PAPPA: variants seen among roughly 807,000 people sequenced by gnomAD.
The protein encoded by PAPPA is pappalysin-1.
Under a neutral mutation model 164.0 loss-of-function variants are expected in PAPPA, and 60 were observed. The observed-to-expected ratio is 0.37, with a 90% CI of 0.30 to 0.45. PAPPA has a LOEUF of 0.45. PAPPA is among the 20% of genes least tolerant of loss of function. The pLI is 1.00. For synonymous variants in PAPPA, 875 were observed against 814.1 expected, an observed-to-expected ratio of 1.07 and a Z score of -1.27; for missense variants, 1,782 against 2,087.3, an observed-to-expected ratio of 0.85 and a Z score of 2.85.
chr9:116,196,809 G>A (rs1386349834), intron 2 of PAPPA, among the ~76,000 whole-genome samples: 2 of 152,108 alleles, frequency 1.3e-5, no homozygotes, highest in Admixed American at 1.3e-4. Flanking sequence ...GGTGGTGAAG[G>A]GTGGAGGAGC....
In PAPPA at chr9:116,227,484, A is replaced by G. The variant is rs1214641045; in HGVS notation, c.2165A>G (p.Tyr722Cys). The change falls in exon 6 of 22, where the codon TAT (tyrosine) becomes TGT (cysteine). Residue 722 changes from tyrosine (Y) to cysteine (C), a missense_variant. Physicochemically the swap from Tyr to Cys is radical, Grantham distance 194. Around this residue, in one of 2 missense-constraint regions of PAPPA, gnomAD observed 1,324 missense variants for 1,656.9 expected, o/e 0.80. Coordinates refer to ENST00000328252, the MANE Select transcript of PAPPA (RefSeq NM_002581.5). ...LCLEGRILVQ[Y>C]ASNASSPMPC... ...CTGGAAGGGAGAATCCTGGTGCAGT[A>G]TGCTTCCAACGCTTCCTCCCCAATG... The G allele has an allele frequency of 1.9e-6, 3 of 1,614,134 alleles. No homozygotes were observed. Among genetic ancestry groups the G allele is most frequent in the Non-Finnish European group, 2.5e-6 (3 of 1,179,996 alleles).
intron 2 of PAPPA, among the ~76,000 whole-genome samples, chr9:116,189,867 A>G (rs933669688): frequency 3.9e-5 from 6 of 152,230 alleles, no homozygotes; most frequent in African/African-American, 1.4e-4. Context: ...GTGCAAAGGA[A>G]TGAGGATGCT....
intron 9 of PAPPA, among the ~76,000 whole-genome samples, chr9:116,296,428 C>G (rs1385739731): frequency 6.6e-6 from 1 of 152,000 alleles, no homozygotes; most frequent in Non-Finnish European, 1.5e-5. Context: ...GTTTGGTGTC[C>G]CCTTTACTCT....
chr9:116,265,949 A>C lies in PAPPA; in HGVS notation c.2825A>C (p.His942Pro). ...CCATCACCTGCTGTCACATACATCC[A>C]TGGAAGTGGGTACTGTGGCGATGGC... ...SEPSPAVTYI[H>P]GSGYCGDGII... is the part of the protein sequence containing the mutation. Residue 942 changes from histidine to proline, a missense_variant, in exon 8 of 22, where the codon CAT (histidine) becomes CCT (proline). Physicochemically the swap from His to Pro is moderately conservative, Grantham distance 77 (BLOSUM62 -2). Transcript: ENST00000328252. 1 of 1,613,082 alleles carries C rather than the reference A, an allele frequency of 6.2e-7. No individual in the cohort carries two copies. The highest frequency in any genetic ancestry group is 8.5e-7 in the Non-Finnish European group (1 of 1,179,050).
intron 10 of PAPPA, among the ~76,000 whole-genome samples, chr9:116,317,832 G>C (rs938800512): frequency 1.9e-4 from 29 of 152,188 alleles, no homozygotes; most frequent in African/African-American, 6.8e-4. Context: ...CCTGACTGAA[G>C]TTAACAGTGC....
chr9:116,191,621 G>C (rs1217842763), intron 2 of PAPPA, among the ~76,000 whole-genome samples: 2 of 152,160 alleles, frequency 1.3e-5, no homozygotes, highest in Non-Finnish European at 2.9e-5. Flanking sequence ...TAAATTTAGA[G>C]ACACACAGTA....
At chr9:116,323,150 A>G (rs1026543991) in intron 10 of PAPPA, among the ~76,000 whole-genome samples, 1 of 152,242 alleles carries the variant, frequency 6.6e-6, no homozygotes, top group Middle Eastern at 3.4e-3. Context: ...AACTGGATTT[A>G]AAAAAACCCT....
At chr9:116,254,084 T>C (rs753140930) in intron 7 of PAPPA, among the ~76,000 whole-genome samples, 7 of 152,124 alleles carry the variant, frequency 4.6e-5, no homozygotes, top group African/African-American at 1.4e-4. Context: ...CTTGGGAAAT[T>C]TTCTCACTCC....
At chr9:116,171,108 G>A (rs1478420012) in intron 1 of PAPPA, among the ~76,000 whole-genome samples, 1 of 152,178 alleles carries the variant, frequency 6.6e-6, no homozygotes, top group East Asian at 1.9e-4. Flanking sequence ...CCTTAGGTTA[G>A]CAGGTACTGG....
At position 116,344,685 on chromosome 9, in the gene PAPPA, C is replaced by T. The variant is rs200530513; in HGVS notation, c.3754C>T (p.Arg1252Trp). The T allele has an allele frequency of 3.3e-5, 53 of 1,613,876 alleles. No individual in the cohort carries two copies. Among genetic ancestry groups the T allele is most frequent in the Admixed American group, 2.5e-4 (15 of 60,004 alleles). Residue 1252 changes from arginine to tryptophan, a missense_variant, in exon 14 of 22, where the codon CGG (arginine) becomes TGG (tryptophan). By Grantham distance (101) the Arg-to-Trp change is moderately radical. Coordinates refer to ENST00000328252, the MANE Select transcript of PAPPA (RefSeq NM_002581.5). ...CRTGYVLQIR[R>W]DDELIKSQTG... is the part of the protein sequence containing the mutation. ...GACAGGCTACGTGCTCCAGATACGG[C>T]GGGATGATGAGCTGATCAAGAGCCA... is the stretch of plus-strand genomic sequence containing the variant.
At chr9:116,294,072 C>T (rs1263845352) in intron 9 of PAPPA, among the ~76,000 whole-genome samples, 3 of 152,020 alleles carry the variant, frequency 2.0e-5, no homozygotes, top group South Asian at 2.1e-4. Context: ...GATGCAAAGC[C>T]AGTTTTGAGT....
intron 20 of PAPPA, 123 bp downstream of exon 20, chr9:116,377,770 G>T: frequency 1.4e-6 from 1 of 709,606 alleles, no homozygotes; most frequent in Non-Finnish European, 2.4e-6. Context: ...TATCCATTTA[G>T]CAGACTTCTT....
At chr9:116,210,072 A>G (rs1844288053) in intron 3 of PAPPA, among the ~76,000 whole-genome samples, 1 of 152,066 alleles carries the variant, frequency 6.6e-6, no homozygotes, top group Non-Finnish European at 1.5e-5. Context: ...CTTGGGTGGG[A>G]AGCGGATTAT....
intron 9 of PAPPA, among the ~76,000 whole-genome samples, chr9:116,301,664 C>T (rs557085971): frequency 7.9e-5 from 12 of 152,308 alleles, no homozygotes; most frequent in South Asian, 2.1e-4. Context: ...TCATTGCAGC[C>T]GGCTGCAGCT....
At position 116,396,645 on chromosome 9, in the gene PAPPA, C is replaced by T. The variant is rs776777054; in HGVS notation, c.*29C>T. 1.4e-5 allele frequency: 11 copies of T among 778,154 alleles called. 1 individual carries two copies. The South Asian group carries it at 1.5e-4, about 10-fold the overall frequency. The allele number at this position is 778,154 out of a possible 1,614,324, so 48.2% of individuals were successfully genotyped here. A position where few individuals can be genotyped will look rare whatever the true frequency, so the allele number is the denominator to read the frequency against. On this transcript the variant is annotated 3_prime_UTR_variant, in exon 22 of 22. Transcript: ENST00000328252. ...AGGACAAGAAGTTGTCAAAGAATTC[C>T]CAACGCCAGGACCCACATCCCTTTG...
chr9:116,155,964 C>T (rs556456089), intron 1 of PAPPA, among the ~76,000 whole-genome samples: 1 of 152,072 alleles, frequency 6.6e-6, no homozygotes, highest in Admixed American at 6.6e-5. Flanking sequence ...ACTCGCAAGC[C>T]CTATTTGCCC....
At chr9:116,272,248 A>T (rs1845145937) in intron 9 of PAPPA, among the ~76,000 whole-genome samples, 1 of 152,190 alleles carries the variant, frequency 6.6e-6, no homozygotes, top group East Asian at 1.9e-4. Context: ...TGAAGATCAA[A>T]GGTCCCCCAG....
chr9:116,208,653 C>G (rs557858878), intron 3 of PAPPA, among the ~76,000 whole-genome samples: 106 of 152,298 alleles, frequency 7.0e-4, no homozygotes, highest in African/African-American at 2.4e-3. Context: ...TGGATGTATC[C>G]TCAGGCCTGC....
chr9:116,200,105 G>T (rs912555269), intron 2 of PAPPA, among the ~76,000 whole-genome samples: 7 of 152,138 alleles, frequency 4.6e-5, no homozygotes, highest in Admixed American at 2.6e-4. Context: ...CACAGATGTA[G>T]CCATTGCTGT....
Sources: allele counts gnomAD v4.1 joint callset (sites outside exome capture counted in the v4.1 genomes callset), GRCh38; gene constraint gnomAD v4.1.1; regional missense constraint gnomAD v4.1.1; transcripts MANE v1.5; gene names NCBI Gene and HGNC (gene_info 2026-07-23, HGNC 2026-07-21).